DSCAML1: variants seen among roughly 807,000 people sequenced by gnomAD.
DSCAML1 encodes the protein cell adhesion molecule DSCAML1.
DSCAML1 carries 38 observed loss-of-function variants against 200.5 expected under a neutral mutation model. The ratio of observed to expected loss-of-function variants is 0.19; its 90% CI spans 0.15 to 0.25. DSCAML1 has a LOEUF of 0.25. Ranked by LOEUF, DSCAML1 falls within the 10% of genes least tolerant of loss-of-function variation. DSCAML1 has a pLI of 1.00. For missense variants in DSCAML1, 2,223 were observed against 2,858.8 expected, an observed-to-expected ratio of 0.78 and a Z score of 5.07; for synonymous variants, 1,215 against 1,165.0, an observed-to-expected ratio of 1.04 and a Z score of -0.87.
At chr11:117,464,795 G>T in intron 17 of DSCAML1, 147 bp downstream of exon 17, 1 of 1,235,960 alleles carries the variant, frequency 8.1e-7, no homozygotes, top group Non-Finnish European at 1.1e-6. Context: ...GACAAGAGGA[G>T]ATGGCGGGGA....
At chr11:117,767,846 A>T (rs1408733318) in intron 3 of DSCAML1, among the ~76,000 whole-genome samples, 1 of 152,112 alleles carries the variant, frequency 6.6e-6, no homozygotes, top group Non-Finnish European at 1.5e-5. Flanking sequence ...TACATCTAAG[A>T]ATGGGGGTAG....
intron 3 of DSCAML1, among the ~76,000 whole-genome samples, chr11:117,633,025 G>A (rs1195203228): frequency 6.6e-6 from 1 of 152,202 alleles, no homozygotes; most frequent in Non-Finnish European, 1.5e-5. Flanking sequence ...CTGGCAGGCT[G>A]TAAGTATCCT....
intron 3 of DSCAML1, among the ~76,000 whole-genome samples, chr11:117,713,341 C>T (rs963741943): frequency 3.3e-5 from 5 of 152,172 alleles, no homozygotes; most frequent in African/African-American, 1.2e-4. Flanking sequence ...GTCTTGAATG[C>T]TTGACCTCAG....
In DSCAML1 at chr11:117,503,812, G is replaced by A; in HGVS notation, c.2359+33C>T. ...GAGCCGGGGCTTGGCTGTGATTTGG[G>A]GGTGCTAGGGGGCGTGTGGGGACAG... On this transcript the variant is annotated intron_variant, in intron 11 of 32. Transcript: ENST00000651296. The surrounding 1 kb of genome is among the most constrained non-coding windows in gnomAD (Gnocchi z 5.2). 1 of 1,600,030 alleles carries A rather than the reference G, an allele frequency of 6.2e-7. No homozygotes were observed. Among genetic ancestry groups the A allele is most frequent in the Non-Finnish European group, 8.5e-7 (1 of 1,171,938 alleles).
chr11:117,650,700 T>TGTGTGTGAGC (rs147584706), intron 3 of DSCAML1, among the ~76,000 whole-genome samples: 1 of 147,352 alleles, frequency 6.8e-6, no homozygotes. Context: ...TGTGTGTGTG[T>TGTGTGTGAGC]GCGTGTGTGT....
chr11:117,777,363 G>A (rs187663820), intron 2 of DSCAML1, among the ~76,000 whole-genome samples: 4 of 152,264 alleles, frequency 2.6e-5, no homozygotes, highest in Admixed American at 6.5e-5. Context: ...AAACCAAACC[G>A]GATTTCCTGC....
chr11:117,632,643 T>C (rs549737821), intron 3 of DSCAML1, among the ~76,000 whole-genome samples: 1 of 152,318 alleles, frequency 6.6e-6, no homozygotes, highest in East Asian at 1.9e-4. Context: ...GGCATGGCCC[T>C]GATATTTGGT....
chr11:117,516,913 G>A lies in DSCAML1; in HGVS notation c.1511-174C>T, dbSNP rs2137306524. On this transcript the variant is annotated intron_variant, in intron 7 of 32. Transcript: ENST00000651296. The surrounding 1 kb of genome is among the most constrained non-coding windows in gnomAD (Gnocchi z 5.7). ...GCCTTTTTACAAAGCTACAGACAGG[G>A]GCTGGAATTGGGGGGTGCCCACAGT... Among the ~76,000 whole-genome samples, 1 of 152,264 alleles carries A rather than the reference G, an allele frequency of 6.6e-6. No individual in the cohort carries two copies. The highest frequency in any genetic ancestry group is 1.5e-5 in the Non-Finnish European group (1 of 68,016).
In DSCAML1 at chr11:117,741,369, C is replaced by T. The variant is rs2137841041; in HGVS notation, c.511+35422G>A. On this transcript the variant is annotated intron_variant, in intron 3 of 32. Coordinates refer to ENST00000651296, the MANE Select transcript of DSCAML1 (RefSeq NM_020693.4). Reference sequence around the variant, plus strand: ...TCTGAATGGTGATGATAAGTGCAATCTTGAGAGCCAGAGGTTAAAGACAAT... The same window carrying T: ...TCTGAATGGTGATGATAAGTGCAATTTTGAGAGCCAGAGGTTAAAGACAAT... 1.3e-5 allele frequency among the ~76,000 whole-genome samples: 2 copies of T among 152,394 alleles called. 1 individual carries two copies. Among genetic ancestry groups the T allele is most frequent in the East Asian group, 3.9e-4 (2 of 5,188 alleles).
At chr11:117,807,629 T>G (rs1353449447) in intron 1 of DSCAML1, among the ~76,000 whole-genome samples, 1 of 152,166 alleles carries the variant, frequency 6.6e-6, no homozygotes, top group East Asian at 1.9e-4. Context: ...GCAGAGTTGT[T>G]TAGCTAGAGA....
intron 3 of DSCAML1, among the ~76,000 whole-genome samples, chr11:117,717,490 G>C (rs2053971559): frequency 6.6e-6 from 1 of 152,248 alleles, no homozygotes; most frequent in African/African-American, 2.4e-5. Context: ...ACTGGCGGTG[G>C]CTTCCTGTGT....
At chr11:117,636,124 C>T (rs535614860) in intron 3 of DSCAML1, among the ~76,000 whole-genome samples, 17 of 152,226 alleles carry the variant, frequency 1.1e-4, no homozygotes, top group Admixed American at 4.6e-4. Context: ...GCTGGTGAGG[C>T]GGGGGTTAGA....
chr11:117,586,940 A>G (rs1054391027), intron 3 of DSCAML1, among the ~76,000 whole-genome samples: 4 of 152,184 alleles, frequency 2.6e-5, no homozygotes, highest in African/African-American at 9.7e-5. Flanking sequence ...AGTGATGCCC[A>G]GAGGGTGAGG....
At chr11:117,618,890 G>A (rs1392281879) in intron 3 of DSCAML1, among the ~76,000 whole-genome samples, 1 of 152,064 alleles carries the variant, frequency 6.6e-6, no homozygotes, top group African/African-American at 2.4e-5. Flanking sequence ...TGCCACTACC[G>A]CTCACTGGGG....
intron 3 of DSCAML1, among the ~76,000 whole-genome samples, chr11:117,588,574 G>A (rs554061667): frequency 6.4e-4 from 98 of 152,276 alleles, no homozygotes; most frequent in African/African-American, 1.9e-3. Context: ...GGATACAAGC[G>A]AGCCCAGCCT....
chr11:117,664,024 T>C (rs1256016368), intron 3 of DSCAML1, among the ~76,000 whole-genome samples: 2 of 152,126 alleles, frequency 1.3e-5, no homozygotes, highest in Non-Finnish European at 2.9e-5. Flanking sequence ...GACACAACAG[T>C]GCACCCCAGA....
At chr11:117,762,404 T>G (rs2054819838) in intron 3 of DSCAML1, among the ~76,000 whole-genome samples, 1 of 152,184 alleles carries the variant, frequency 6.6e-6, no homozygotes, top group Admixed American at 6.5e-5. Context: ...CTGAATAAAT[T>G]CTGCCCCTGG....
intron 20 of DSCAML1, among the ~76,000 whole-genome samples, chr11:117,446,309 A>G (rs1283476689): frequency 3.9e-5 from 6 of 152,228 alleles, no homozygotes; most frequent in Admixed American, 3.9e-4. Flanking sequence ...GGCTGCAGTG[A>G]GCTGAGATTG....
At chr11:117,808,652 G>A (rs1449849417) in intron 1 of DSCAML1, among the ~76,000 whole-genome samples, 2 of 152,088 alleles carry the variant, frequency 1.3e-5, no homozygotes, top group Non-Finnish European at 2.9e-5. Context: ...AAACTAGAAG[G>A]TTTATGTTCT....
Sources: allele counts gnomAD v4.1 joint callset (sites outside exome capture counted in the v4.1 genomes callset), GRCh38; gene constraint gnomAD v4.1.1; non-coding constraint Gnocchi (gnomAD v3.1); transcripts MANE v1.5; gene names NCBI Gene and HGNC (gene_info 2026-07-23, HGNC 2026-07-21).